PCDHGB3: variants seen among roughly 807,000 people sequenced by gnomAD.
PCDHGB3 encodes protocadherin gamma subfamily B, 3, also known as protocadherin gamma-B3.
In PCDHGB3, 40 loss-of-function variants were observed where a neutral mutation model predicts 59.2. The ratio of observed to expected loss-of-function variants is 0.68; its 90% CI spans 0.52 to 0.88. The LOEUF is 0.88. Ranked by LOEUF, PCDHGB3 falls within the 40% of genes least tolerant of loss-of-function variation. The pLI, the probability that PCDHGB3 is intolerant of heterozygous loss-of-function variation, is 0.00. For synonymous variants in PCDHGB3, 581 were observed against 503.6 expected, an observed-to-expected ratio of 1.15 and a Z score of -2.06; for missense variants, 1,309 against 1,187.9, an observed-to-expected ratio of 1.10 and a Z score of -1.50.
At chr5:141,404,897 C>A in intron 1 of PCDHGB3, 1 of 1,613,920 alleles carries the variant, frequency 6.2e-7, no homozygotes, top group African/African-American at 1.3e-5. Context: ...TGTACAGGAC[C>A]ATGGCCAGCC....
At chr5:141,480,702 C>T (rs1455955207) in intron 1 of PCDHGB3, among the ~76,000 whole-genome samples, 1 of 152,170 alleles carries the variant, frequency 6.6e-6, no homozygotes, top group African/African-American at 2.4e-5. Context: ...AGGCCACACC[C>T]CGACAAATGA....
intron 1 of PCDHGB3, chr5:141,414,204 T>C (rs748616910): frequency 1.2e-6 from 2 of 1,612,266 alleles, no homozygotes; most frequent in East Asian, 2.2e-5. Flanking sequence ...CAGTAGAAGA[T>C]GTAAATGACA....
chr5:141,397,407 G>C (rs1383716790), intron 1 of PCDHGB3, among the ~76,000 whole-genome samples: 1 of 152,108 alleles, frequency 6.6e-6, no homozygotes. Context: ...TTACAAAATA[G>C]TTTTAAATAG....
In PCDHGB3 at chr5:141,371,490, G is replaced by A; in HGVS notation, c.1096G>A (p.Val366Ile). ...AGAAGATGCTGAGCTGGGGACTGCC[G>A]TTGCCCTGATCAAAACACATGATCT... ...IQEDAELGTA[V>I]ALIKTHDLDS... The change falls in exon 1 of 4, where the codon GTT becomes ATT. Residue 366 changes from valine (V) to isoleucine (I), a missense_variant. By Grantham distance (29) the Val-to-Ile change is conservative. Transcript: ENST00000576222. 6.2e-7 allele frequency: 1 copy of A among 1,613,890 alleles called. No homozygotes were observed. Among genetic ancestry groups the A allele is most frequent in the African/African-American group, 1.3e-5 (1 of 75,058 alleles).
chr5:141,486,162 T>G lies in PCDHGB3; in HGVS notation c.2416-8645T>G, dbSNP rs763023343. ...GCTCGCGATGGGGGTTCTCCAGCCA[T>G]GGAGCAACATTGCAGCCTTCGAGTG... On this transcript the variant is annotated intron_variant, in intron 1 of 3. Coordinates refer to ENST00000576222, the MANE Select transcript of PCDHGB3 (RefSeq NM_018924.5). The surrounding 1 kb of genome is among the most constrained non-coding windows in gnomAD (Gnocchi z 5.0). The G allele has an allele frequency of 6.2e-7, 1 of 1,614,170 alleles. No individual in the cohort carries two copies. Among genetic ancestry groups the G allele is most frequent in the Non-Finnish European group, 8.5e-7 (1 of 1,180,026 alleles).
intron 1 of PCDHGB3, among the ~76,000 whole-genome samples, chr5:141,456,907 G>A (rs1430292511): frequency 6.6e-6 from 1 of 152,108 alleles, no homozygotes; most frequent in Non-Finnish European, 1.5e-5. Flanking sequence ...AGGTTGCAGT[G>A]AGCCGAGATC....
At chr5:141,459,735 T>A (rs114520602) in intron 1 of PCDHGB3, among the ~76,000 whole-genome samples, 1 of 152,374 alleles carries the variant, frequency 6.6e-6, no homozygotes, top group Non-Finnish European at 1.5e-5. Flanking sequence ...GTCAATTTTT[T>A]AAATTTTAGC....
chr5:141,478,726 G>A, intron 1 of PCDHGB3: 2 of 1,540,996 alleles, frequency 1.3e-6, no homozygotes, highest in Non-Finnish European at 1.8e-6. Context: ...GCCTGCCAGA[G>A]TGTGGTTTGT....
In PCDHGB3 at chr5:141,409,864, C is replaced by A. The variant is rs772646188; in HGVS notation, c.2415+37055C>A. The A allele has an allele frequency of 1.9e-6, 3 of 1,612,574 alleles. No individual in the cohort carries two copies. The East Asian group carries it at 6.7e-5, about 36-fold the overall frequency. Reference sequence around the variant, plus strand: ...TGAGCCTGCGCGTGTTGGTGGGAGACCGCAATGACAACGCACCGCGGGTGC... The same window carrying A: ...TGAGCCTGCGCGTGTTGGTGGGAGAACGCAATGACAACGCACCGCGGGTGC... On this transcript the variant is annotated intron_variant, in intron 1 of 3. Transcript: ENST00000576222.
intron 1 of PCDHGB3, chr5:141,409,049 AG>A: frequency 6.2e-7 from 1 of 1,614,028 alleles, no homozygotes; most frequent in African/African-American, 1.3e-5. Context: ...CTACTTCCGA[AG>A]CACTGCCCAG....
chr5:141,432,600 C>T lies in PCDHGB3; in HGVS notation c.2415+59791C>T, dbSNP rs901310090. The T allele has an allele frequency of 1.9e-6, 3 of 1,613,832 alleles. No individual in the cohort carries two copies. The East Asian group carries it at 6.7e-5, about 36-fold the overall frequency. ...TACCGTCTGCTCAAGGCCAGCGAGCCGGGACTCTTCTCGGTGGGTCTGCAC... is the reference window on the plus strand; with the variant it reads ...TACCGTCTGCTCAAGGCCAGCGAGCTGGGACTCTTCTCGGTGGGTCTGCAC... On this transcript the variant is annotated intron_variant, in intron 1 of 3. Transcript: ENST00000576222. The surrounding 1 kb of genome is among the most constrained non-coding windows in gnomAD (Gnocchi z 6.0).
Position 141,372,797 on chromosome 5 carries a change from C to A in PCDHGB3, c.2403C>A (p.Gly801=), listed in dbSNP as rs1216879551. The change falls in exon 1 of 4, where the codon GGC becomes GGA. Residue 801 remains glycine, a synonymous_variant. Transcript: ENST00000576222. ...NDNPEMPSNS[G]NLQKQAPPNT... is the part of the protein sequence containing the mutation. ...ATCCAGAAATGCCTTCTAATTCAGG[C>A]AATTTGCAAAAGGTGAGTTTCTTCA... The A allele has an allele frequency of 3.1e-6, 5 of 1,597,434 alleles. No individual in the cohort carries two copies. The highest frequency in any genetic ancestry group is 3.4e-6 in the Non-Finnish European group (4 of 1,171,546).
chr5:141,422,842 G>A (rs756990417), intron 1 of PCDHGB3: 5 of 1,614,228 alleles, frequency 3.1e-6, no homozygotes, highest in South Asian at 1.1e-5. Flanking sequence ...ACGTGACAGC[G>A]GGGACCCGCC....
chr5:141,494,446 G>C (rs1046119515), intron 1 of PCDHGB3, among the ~76,000 whole-genome samples: 2 of 152,172 alleles, frequency 1.3e-5, no homozygotes, highest in African/African-American at 4.8e-5. Context: ...TGCCACTTTA[G>C]GGGGCTTTGT....
At chr5:141,396,661 A>T (rs2093417070) in intron 1 of PCDHGB3, 1 of 152,162 alleles carries the variant, frequency 6.6e-6, no homozygotes, top group Admixed American at 6.5e-5. Flanking sequence ...AACTCGGTAT[A>T]GGCTATCCAT....
rs1486545769 is a variant in PCDHGB3 at position 141,431,780 on chromosome 5, A to T, written c.2415+58971A>T. On this transcript the variant is annotated intron_variant, in intron 1 of 3. Coordinates refer to ENST00000576222, the MANE Select transcript of PCDHGB3 (RefSeq NM_018924.5). This position sits in a 1 kb window ranked among gnomAD's most constrained non-coding sequence, Gnocchi z 4.8. The stretch of plus-strand genomic sequence containing the variant: ...AGTCCTGATCACTGTTCTGGACGTG[A>T]ACGACAATGCCCCAGAAGTGGTCCT... 4 of 1,614,086 alleles carry T rather than the reference A, an allele frequency of 2.5e-6. No homozygotes were observed. The highest frequency in any genetic ancestry group is 3.4e-6 in the Non-Finnish European group (4 of 1,180,028).
intron 1 of PCDHGB3, chr5:141,405,407 CTT>C (rs762612492): frequency 6.3e-7 from 1 of 1,581,924 alleles, no homozygotes; most frequent in African/African-American, 1.4e-5. Flanking sequence ...TCTTTCTTTT[CTT>C]TTTTTGTTTT....
chr5:141,382,699 G>C lies in PCDHGB3; in HGVS notation c.2415+9890G>C, dbSNP rs6876944. The stretch of plus-strand genomic sequence containing the variant: ...CCAACCAGGGAAAAATGGTGCGAGA[G>C]ATCCCACAGAAACCACCGAGTTTTA... On this transcript the variant is annotated intron_variant, in intron 1 of 3. Transcript: ENST00000576222. 3,018 of 458,814 alleles carry C rather than the reference G, an allele frequency of 6.6e-3. 90 individuals carry two copies. Among genetic ancestry groups the C allele is most frequent in the African/African-American group, 0.053 (2,693 of 50,344 alleles). 28.4% of individuals were successfully genotyped at this position (458,814 alleles called of 1,614,324 possible).
At chr5:141,389,866 T>G (rs1332106674) in intron 1 of PCDHGB3, 1 of 1,614,082 alleles carries the variant, frequency 6.2e-7, no homozygotes, top group African/African-American at 1.3e-5. Context: ...TTGCACCTGG[T>G]CTTCGCCGAC....
Sources: gnomAD v4.1 joint callset for allele counts (sites outside exome capture counted in the v4.1 genomes callset) on GRCh38, gnomAD v4.1.1 for gene constraint, Gnocchi (gnomAD v3.1) non-coding constraint, MANE v1.5 for transcripts, NCBI Gene and HGNC (gene_info 2026-07-23, HGNC 2026-07-21) for gene names.